LNX1: variants seen among roughly 807,000 people sequenced by gnomAD.
LNX1 encodes ligand of numb-protein X 1, also known as E3 ubiquitin-protein ligase LNX.
LNX1 carries 54 observed loss-of-function variants against 68.4 expected under a neutral mutation model. The ratio of observed to expected loss-of-function variants is 0.79; its 90% CI spans 0.63 to 0.99. The LOEUF (loss-of-function observed/expected upper bound fraction) is 0.99, where lower values mean the gene tolerates loss of function less well. Among genes scored for constraint, LNX1 ranks in the 50% least tolerant of loss-of-function variants. LNX1 has a pLI of 0.00. For missense variants in LNX1, 906 were observed against 926.4 expected (o/e 0.98, Z 0.29); for synonymous variants, 336 against 350.0 (o/e 0.96, Z 0.45).
At chr4:53,469,194 A>C (rs1722948675) in intron 9 of LNX1, among the ~76,000 whole-genome samples, 1 of 152,220 alleles carries the variant, frequency 6.6e-6, no homozygotes, top group Admixed American at 6.5e-5. Context: ...ACTCACTCAA[A>C]ACTGCTCAAC....
chr4:53,638,293 A>G (rs1734556283), intron 1 of LNX1, among the ~76,000 whole-genome samples: 2 of 152,244 alleles, frequency 1.3e-5, no homozygotes, highest in African/African-American at 4.8e-5. Flanking sequence ...TTAATAATGC[A>G]GAACAGTCAA....
Position 53,478,754 on chromosome 4 carries a change from G to C in LNX1, c.1486-12C>G, listed in dbSNP as rs1272700466. The stretch of plus-strand genomic sequence containing the variant: ...GTAGGATGGAGGGGCTGAAGGCACA[G>C]ATGGAAAAACATGGCACATGAATTC... On this transcript the variant is annotated splice_polypyrimidine_tract_variant and intron_variant, in intron 7 of 10. Coordinates refer to ENST00000263925, the MANE Select transcript of LNX1 (RefSeq NM_001126328.3). 6.2e-7 allele frequency: 1 copy of C among 1,607,506 alleles called. No homozygotes were observed. Among genetic ancestry groups the C allele is most frequent in the Non-Finnish European group, 8.5e-7 (1 of 1,175,926 alleles).
At chr4:53,489,188 A>G (rs188605707) in intron 6 of LNX1, among the ~76,000 whole-genome samples, 1 of 152,312 alleles carries the variant, frequency 6.6e-6, no homozygotes, top group Admixed American at 6.5e-5. Context: ...GCTAAAAGCA[A>G]TCAGTCTGGC....
intron 2 of LNX1, among the ~76,000 whole-genome samples, chr4:53,538,158 G>A (rs995122963): frequency 6.6e-6 from 1 of 152,168 alleles, no homozygotes; most frequent in Non-Finnish European, 1.5e-5. Flanking sequence ...CCCAAGCACA[G>A]AATCCAGAGG....
intron 1 of LNX1, chr4:53,652,107 G>A (rs1044251492): frequency 6.6e-6 from 1 of 151,986 alleles, no homozygotes; most frequent in African/African-American, 2.4e-5. Flanking sequence ...AGTGGGCAGA[G>A]GTGAAGTTTT....
chr4:53,541,077 C>T (rs1331834102), intron 2 of LNX1, among the ~76,000 whole-genome samples: 2 of 147,718 alleles, frequency 1.4e-5, no homozygotes, highest in African/African-American at 5.0e-5. Flanking sequence ...GCAGAGCTTG[C>T]AGTGAGCCGA....
At chr4:53,644,785 G>A (rs1734821305) in intron 1 of LNX1, among the ~76,000 whole-genome samples, 1 of 152,172 alleles carries the variant, frequency 6.6e-6, no homozygotes. Context: ...GAGTATATCT[G>A]GAAGGTCGTT....
intron 6 of LNX1, among the ~76,000 whole-genome samples, chr4:53,491,213 T>G (rs2109450548): frequency 6.6e-6 from 1 of 151,860 alleles, no homozygotes; most frequent in Non-Finnish European, 1.5e-5. Context: ...GCAGAGGGAG[T>G]TAACAAGTGT....
chr4:53,641,950 A>C (rs771382995), intron 1 of LNX1, among the ~76,000 whole-genome samples: 9 of 152,126 alleles, frequency 5.9e-5, no homozygotes, highest in Non-Finnish European at 1.2e-4. Flanking sequence ...GGTTGTTTCC[A>C]GTCTGAGGCT....
chr4:53,471,501 TAAATG>T (rs1723181639), intron 9 of LNX1, among the ~76,000 whole-genome samples: 1 of 152,134 alleles, frequency 6.6e-6, no homozygotes, highest in African/African-American at 2.4e-5. Flanking sequence ...GGGATCTAAT[TAAATG>T]AAAGAGCTTC....
intron 2 of LNX1, chr4:53,558,276 G>T: frequency 9.6e-6 from 11 of 1,141,056 alleles, no homozygotes; most frequent in Non-Finnish European, 9.7e-6. Flanking sequence ...ATGCGGACTG[G>T]TTCTTGGGAA....
At chr4:53,571,069 C>T (rs560767495) in intron 2 of LNX1, among the ~76,000 whole-genome samples, 92 of 150,692 alleles carry the variant, frequency 6.1e-4, no homozygotes, top group Admixed American at 9.2e-4. Flanking sequence ...GATGGAGTCT[C>T]GCTCTGTCAC....
At chr4:53,526,316 T>C (rs987734211) in intron 2 of LNX1, among the ~76,000 whole-genome samples, 1 of 152,132 alleles carries the variant, frequency 6.6e-6, no homozygotes, top group Non-Finnish European at 1.5e-5. Context: ...TGGTTATTAG[T>C]GAGACACAAC....
chr4:53,544,139 T>C (rs1728938087), intron 2 of LNX1, among the ~76,000 whole-genome samples: 1 of 152,158 alleles, frequency 6.6e-6, no homozygotes, highest in Non-Finnish European at 1.5e-5. Context: ...ACTATCTAGG[T>C]GTTTGAGAGC....
chr4:53,580,541 T>G (rs1178382579), intron 1 of LNX1, among the ~76,000 whole-genome samples: 1 of 152,086 alleles, frequency 6.6e-6, no homozygotes, highest in African/African-American at 2.4e-5. Context: ...CTGGAGTGGG[T>G]AGAGGAGGAG....
intron 1 of LNX1, chr4:53,652,020 T>TGTGTGA (rs1299346353): frequency 9.4e-6 from 1 of 106,924 alleles, no homozygotes; most frequent in Non-Finnish European, 1.9e-5. Flanking sequence ...TGTGTGTGTG[T>TGTGTGA]GAGAGAGAGA....
intron 6 of LNX1, among the ~76,000 whole-genome samples, chr4:53,483,690 T>A (rs1048984941): frequency 6.6e-6 from 1 of 152,148 alleles, no homozygotes; most frequent in Non-Finnish European, 1.5e-5. Flanking sequence ...TGGTGGTTCC[T>A]CTCTTCATCC....
In LNX1 at chr4:53,507,434, A is replaced by G; in HGVS notation, c.658T>C (p.Ser220Pro). ...AAAGCTCGATTTATTTTTTTAAATG[A>G]TCTGCTTCTAATAGTGGATCTCTCA... ...PFERSTIRSR[S>P]FKKINRALSV... The change falls in exon 4 of 11, where the codon TCA becomes CCA. Residue 220 changes from serine to proline, a missense_variant. Ser to Pro is a moderately conservative substitution (Grantham distance 74). Transcript: ENST00000263925. The G allele has an allele frequency of 6.2e-7, 1 of 1,614,152 alleles. No individual in the cohort carries two copies.
chr4:53,514,009 C>T (rs1449303524), intron 2 of LNX1, among the ~76,000 whole-genome samples: 4 of 152,228 alleles, frequency 2.6e-5, no homozygotes, highest in African/African-American at 9.6e-5. Flanking sequence ...CTGCACTTTG[C>T]TGCTGCCCCT....
Sources: gnomAD v4.1 joint callset for allele counts (sites outside exome capture counted in the v4.1 genomes callset) on GRCh38, gnomAD v4.1.1 for gene constraint, MANE v1.5 for transcripts, NCBI Gene and HGNC (gene_info 2026-07-23, HGNC 2026-07-21) for gene names.